Variants in ZFHX3 observed in about 807,000 individuals in gnomAD.
The protein encoded by ZFHX3 is zinc finger homeobox protein 3.
A neutral mutation model predicts 279.1 loss-of-function variants in ZFHX3; 42 were observed. That is an observed-to-expected ratio of 0.15 (90% CI 0.12 to 0.19). The LOEUF is 0.19. Among genes scored for constraint, ZFHX3 ranks in the 10% least tolerant of loss-of-function variants. ZFHX3 has a pLI of 1.00. For missense variants in ZFHX3, 4,981 were observed against 4,754.0 expected (o/e 1.05, Z -1.40); for synonymous variants, 2,293 against 1,957.8 (o/e 1.17, Z -4.52).
At chr16:73,739,863 G>T (rs1481663742) in intron 1 of ZFHX3, among the ~76,000 whole-genome samples, 1 of 152,114 alleles carries the variant, frequency 6.6e-6, no homozygotes, top group Non-Finnish European at 1.5e-5. Flanking sequence ...GAGCCCCAAG[G>T]CATGAGGAAA....
chr16:73,010,720 C>T (rs1278468001), intron 1 of ZFHX3, among the ~76,000 whole-genome samples: 2 of 152,096 alleles, frequency 1.3e-5, no homozygotes, highest in Admixed American at 1.3e-4. Context: ...CACTCCAGAG[C>T]CAGTCCTTTG....
intron 1 of ZFHX3, among the ~76,000 whole-genome samples, chr16:73,850,739 A>G (rs1456378852): frequency 6.7e-6 from 1 of 149,934 alleles, no homozygotes; most frequent in Non-Finnish European, 1.5e-5. Context: ...TGAGAGATCT[A>G]ACTCCCAGCA....
chr16:73,771,047 C>G (rs1377007091), intron 1 of ZFHX3, among the ~76,000 whole-genome samples: 1 of 152,128 alleles, frequency 6.6e-6, no homozygotes, highest in East Asian at 1.9e-4. Flanking sequence ...CTTTGGTTTT[C>G]TCACTGTGAA....
In ZFHX3 at chr16:73,878,488, T is replaced by C. The variant is rs569739722; in HGVS notation, c.-1608+13163A>G. Among the ~76,000 whole-genome samples, 20 of 152,278 alleles carry C rather than the reference T, an allele frequency of 1.3e-4. No homozygotes were observed. In the South Asian group the frequency reaches 4.1e-3, roughly 32 times the overall value. ...AAATGGTATAAGCATAATGGATTAA[T>C]AGGAAAAGTAGACTTAGGAAGACCA... On this transcript the variant is annotated intron_variant, in intron 1 of 17. Coordinates refer to the ZFHX3 transcript ENST00000641206.
intron 4 of ZFHX3, among the ~76,000 whole-genome samples, chr16:73,279,255 G>A (rs534620839): frequency 2.0e-5 from 3 of 152,138 alleles, no homozygotes; most frequent in East Asian, 3.9e-4. Flanking sequence ...GTCCCAGATA[G>A]CAATCAGATT....
intron 1 of ZFHX3, among the ~76,000 whole-genome samples, chr16:73,055,070 G>A (rs999899847): frequency 6.7e-6 from 1 of 149,736 alleles, no homozygotes; most frequent in African/African-American, 2.4e-5. Context: ...AGCTTTATGT[G>A]GGATTCTTTT....
chr16:73,669,512 G>A (rs1165849651), intron 2 of ZFHX3, among the ~76,000 whole-genome samples: 1 of 152,204 alleles, frequency 6.6e-6, no homozygotes, highest in Non-Finnish European at 1.5e-5. Context: ...AAGCTTGTAA[G>A]TTTTTAAGAT....
chr16:72,927,355 CCTCCCGATTCATT>C (rs1959509639), intron 3 of ZFHX3, among the ~76,000 whole-genome samples: 1 of 152,182 alleles, frequency 6.6e-6, no homozygotes, highest in South Asian at 2.1e-4. Flanking sequence ...CCTTAACAAT[CCTCCCGATTCATT>C]CTCCCGCTGG....
rs145238755 is a variant in ZFHX3, at chr16:73,383,982, C to T, written c.-1290-65646G>A. On this transcript the variant is annotated intron_variant, in intron 3 of 17. Coordinates refer to the ZFHX3 transcript ENST00000641206. Reference sequence around the variant, plus strand: ...ATCATTTTAAAGGCCTCCCAAATGGCGAGTGCTCCACGAACACACTTCAAA... The same window carrying T: ...ATCATTTTAAAGGCCTCCCAAATGGTGAGTGCTCCACGAACACACTTCAAA... Among the ~76,000 whole-genome samples, 5 of 152,236 alleles carry T rather than the reference C, an allele frequency of 3.3e-5. No individual in the cohort carries two copies. In the East Asian group the frequency reaches 5.8e-4, roughly 18 times the overall value.
intron 5 of ZFHX3, among the ~76,000 whole-genome samples, chr16:73,233,724 CT>C (rs2012852151): frequency 6.6e-6 from 1 of 152,122 alleles, no homozygotes; most frequent in Admixed American, 6.6e-5. Context: ...GCTGGATTTT[CT>C]TTCTTTCTGG....
chr16:73,456,541 G>A (rs2018374620), intron 2 of ZFHX3, among the ~76,000 whole-genome samples: 1 of 152,136 alleles, frequency 6.6e-6, no homozygotes, highest in Admixed American at 6.5e-5. Context: ...TACCACTAAC[G>A]ACTTGCAAAA....
At chr16:73,542,093 C>A (rs1004863603) in intron 2 of ZFHX3, among the ~76,000 whole-genome samples, 6 of 151,998 alleles carry the variant, frequency 3.9e-5, no homozygotes, top group Admixed American at 1.3e-4. Context: ...AGCAACCGCG[C>A]CCGGCCCTGT....
chr16:73,344,526 G>A (rs950148272), intron 3 of ZFHX3, among the ~76,000 whole-genome samples: 1 of 152,142 alleles, frequency 6.6e-6, no homozygotes, highest in Admixed American at 6.5e-5. Context: ...ATTCATTGAT[G>A]GTATTGTATA....
chr16:73,158,621 G>A lies in ZFHX3; in HGVS notation c.-1103-14790C>T, dbSNP rs1826714556. On this transcript the variant is annotated intron_variant, in intron 5 of 17. Transcript: ENST00000641206. ...TTTAGGTAGGATTGAGTACATCGTT[G>A]CCACTCATAAGCAAAAAGCACGAAG... 2.0e-5 allele frequency among the ~76,000 whole-genome samples: 3 copies of A among 152,188 alleles called. No homozygotes were observed. The South Asian group carries it at 6.2e-4, about 32-fold the overall frequency.
chr16:72,918,237 T>C (rs1386469836), intron 3 of ZFHX3, among the ~76,000 whole-genome samples: 1 of 151,944 alleles, frequency 6.6e-6, no homozygotes, highest in Non-Finnish European at 1.5e-5. Context: ...GGGGCAAGGA[T>C]GGTAAGGGGT....
intron 7 of ZFHX3, among the ~76,000 whole-genome samples, chr16:73,125,527 C>T (rs1966554651): frequency 6.6e-6 from 1 of 152,018 alleles, no homozygotes; most frequent in Admixed American, 6.6e-5. Flanking sequence ...CAGACCCACC[C>T]TTAACCTGGG....
At chr16:73,261,642 GTATAAA>G (rs938627338) in intron 4 of ZFHX3, among the ~76,000 whole-genome samples, 12 of 124,870 alleles carry the variant, frequency 9.6e-5, no homozygotes, top group African/African-American at 2.6e-4. Context: ...CTATTCCTTT[GTATAAA>G]TATAAACATT....
At chr16:73,694,081 G>T (rs1428759810) in intron 1 of ZFHX3, among the ~76,000 whole-genome samples, 1 of 151,602 alleles carries the variant, frequency 6.6e-6, no homozygotes, top group Non-Finnish European at 1.5e-5. Flanking sequence ...CCAGCACCTT[G>T]GGAGGCCAAG....
chr16:73,298,332 G>T (rs925100977), intron 4 of ZFHX3, among the ~76,000 whole-genome samples: 2 of 151,238 alleles, frequency 1.3e-5, no homozygotes, highest in African/African-American at 4.9e-5. Context: ...TTACAGGTAT[G>T]TGCCACCATG....
Sources: gnomAD v4.1 joint callset for allele counts (sites outside exome capture counted in the v4.1 genomes callset) on GRCh38, gnomAD v4.1.1 for gene constraint, MANE v1.5 for transcripts, NCBI Gene and HGNC (gene_info 2026-07-23, HGNC 2026-07-21) for gene names.